Variants in MYRIP observed in about 807,000 individuals in gnomAD.
The protein encoded by MYRIP is rab effector MyRIP.
Under a neutral mutation model 98.0 loss-of-function variants are expected in MYRIP, and 49 were observed. That is an observed-to-expected ratio of 0.50 (90% confidence interval 0.40 to 0.63). The LOEUF is 0.63. Among genes scored for constraint, MYRIP ranks in the 30% least tolerant of loss-of-function variants. The probability of loss-of-function intolerance (pLI) is 0.00; values close to 1 mark genes in which losing one functional copy is unlikely to be tolerated. For synonymous variants in MYRIP, 404 were observed against 409.5 expected (o/e 0.99, Z 0.16); for missense variants, 1,004 against 1,058.2 (o/e 0.95, Z 0.71).
In MYRIP at chr3:39,839,259, G is replaced by GT. The variant is rs534934868; in HGVS notation, c.-31+29355dup. 2.0e-3 allele frequency among the ~76,000 whole-genome samples: 293 copies of GT among 145,116 alleles called. 1 individual carries two copies. Among genetic ancestry groups the GT allele is most frequent in the East Asian group, 3.6e-3 (18 of 5,006 alleles). ...GAATTTGTTTGCTCTTGCTTTTCTA[G>GT]TTTTTTTTTTTTCTTAAGACGGAGT... is the stretch of plus-strand genomic sequence containing the variant. On this transcript the variant is annotated intron_variant, in intron 1 of 16. Coordinates refer to ENST00000302541, the MANE Select transcript of MYRIP (RefSeq NM_015460.4).
At chr3:39,891,781 A>G (rs1444207760) in intron 1 of MYRIP, among the ~76,000 whole-genome samples, 1 of 152,180 alleles carries the variant, frequency 6.6e-6, no homozygotes, top group African/African-American at 2.4e-5. Context: ...AACATGAAGA[A>G]TAAAAATAAT....
chr3:40,230,005 C>G (rs1423341828), intron 11 of MYRIP, among the ~76,000 whole-genome samples: 2 of 152,168 alleles, frequency 1.3e-5, no homozygotes, highest in South Asian at 4.1e-4. Flanking sequence ...ATTTGTATTT[C>G]TTTGCTCACT....
At chr3:40,125,657 C>A (rs909940828) in intron 3 of MYRIP, among the ~76,000 whole-genome samples, 9 of 152,172 alleles carry the variant, frequency 5.9e-5, no homozygotes, top group African/African-American at 1.9e-4. Context: ...CCTCCTTCAG[C>A]CTCATTTTCC....
intron 2 of MYRIP, among the ~76,000 whole-genome samples, chr3:40,013,128 C>T (rs1015566912): frequency 2.6e-5 from 4 of 152,210 alleles, no homozygotes; most frequent in African/African-American, 9.7e-5. Context: ...TCTCTGGTTA[C>T]CCCATGTCCC....
chr3:39,822,707 T>C (rs1287016291), intron 1 of MYRIP, among the ~76,000 whole-genome samples: 2 of 152,224 alleles, frequency 1.3e-5, no homozygotes, highest in Non-Finnish European at 2.9e-5. Flanking sequence ...TCCCAGCCTC[T>C]AGTATCCTCT....
intron 3 of MYRIP, among the ~76,000 whole-genome samples, chr3:40,140,627 AT>A (rs796148141): frequency 1.3e-5 from 2 of 151,966 alleles, no homozygotes; most frequent in African/African-American, 4.8e-5. Context: ...AGCATTTGCT[AT>A]TTTTTTGTTT....
chr3:40,161,253 A>G (rs772386414), intron 4 of MYRIP, among the ~76,000 whole-genome samples: 61 of 152,308 alleles, frequency 4.0e-4, no homozygotes, highest in Non-Finnish European at 6.5e-4. Context: ...ATACTAAATG[A>G]CACCAATGCT....
chr3:40,076,082 G>A (rs1397735829), intron 3 of MYRIP, among the ~76,000 whole-genome samples: 3 of 152,180 alleles, frequency 2.0e-5, no homozygotes, highest in Non-Finnish European at 2.9e-5. Context: ...GTGCATGCCT[G>A]TAGTCCCAGA....
At chr3:39,914,923 TA>T (rs1944116680) in intron 2 of MYRIP, among the ~76,000 whole-genome samples, 34 of 47,944 alleles carry the variant, frequency 7.1e-4, no homozygotes, top group Admixed American at 6.4e-3. Flanking sequence ...TTCCCCTTCC[TA>T]TAAAGGCCCC....
intron 3 of MYRIP, among the ~76,000 whole-genome samples, chr3:40,104,500 T>C (rs1949016348): frequency 6.6e-6 from 1 of 152,206 alleles, no homozygotes; most frequent in African/African-American, 2.4e-5. Flanking sequence ...ACTTCTAAAG[T>C]CACTAATTAT....
chr3:39,992,419 G>A (rs1347008865), intron 2 of MYRIP, among the ~76,000 whole-genome samples: 1 of 152,146 alleles, frequency 6.6e-6, no homozygotes, highest in Non-Finnish European at 1.5e-5. Flanking sequence ...TTGCTCCAAA[G>A]TCTGCCTCTC....
chr3:40,044,657 G>A (rs186592877), intron 3 of MYRIP, among the ~76,000 whole-genome samples: 2 of 152,302 alleles, frequency 1.3e-5, no homozygotes, highest in African/African-American at 4.8e-5. Context: ...GGCCAATTAT[G>A]AGTGACTCAG....
chr3:39,919,687 ATG>A (rs142402096), intron 2 of MYRIP, among the ~76,000 whole-genome samples: 80 of 132,120 alleles, frequency 6.1e-4, no homozygotes, highest in African/African-American at 2.1e-3. Context: ...GTGTGCGGGT[ATG>A]TGTGGTGTGT....
At chr3:39,908,124 T>A (rs767347769) in intron 2 of MYRIP, among the ~76,000 whole-genome samples, 1 of 152,190 alleles carries the variant, frequency 6.6e-6, no homozygotes, top group Non-Finnish European at 1.5e-5. Context: ...GGACTTGGTC[T>A]GTGGAGTAGC....
intron 1 of MYRIP, among the ~76,000 whole-genome samples, chr3:39,876,518 C>T (rs1462795711): frequency 6.6e-6 from 1 of 151,978 alleles, no homozygotes; most frequent in African/African-American, 2.4e-5. Context: ...CCTTCAGGAG[C>T]TCTTTTAGGG....
intron 2 of MYRIP, among the ~76,000 whole-genome samples, chr3:39,932,016 A>G (rs1422604693): frequency 6.6e-6 from 1 of 152,180 alleles, no homozygotes; most frequent in African/African-American, 2.4e-5. Flanking sequence ...GCTGCCACAT[A>G]GAATTAGTTG....
chr3:40,007,223 G>A (rs1181181365), intron 2 of MYRIP, among the ~76,000 whole-genome samples: 1 of 152,098 alleles, frequency 6.6e-6, no homozygotes, highest in Non-Finnish European at 1.5e-5. Context: ...GGAGAAAGCC[G>A]TTTCAAAATT....
intron 8 of MYRIP, among the ~76,000 whole-genome samples, chr3:40,170,890 G>A (rs540471274): frequency 9.9e-5 from 15 of 152,262 alleles, no homozygotes; most frequent in African/African-American, 3.6e-4. Context: ...GGGGTCTAGT[G>A]GCATTCATCC....
At chr3:40,130,924 C>A (rs1949624877) in intron 3 of MYRIP, among the ~76,000 whole-genome samples, 1 of 152,090 alleles carries the variant, frequency 6.6e-6, no homozygotes, top group Non-Finnish European at 1.5e-5. Context: ...AACATCATTT[C>A]CTGTTACACT....
Sources: allele counts gnomAD v4.1 joint callset (sites outside exome capture counted in the v4.1 genomes callset), GRCh38; gene constraint gnomAD v4.1.1; transcripts MANE v1.5; gene names NCBI Gene and HGNC (gene_info 2026-07-23, HGNC 2026-07-21).